Variants in LPAR1 observed in about 807,000 individuals in gnomAD.
LPAR1 encodes LPA receptor 1.
LPAR1 carries 5 observed loss-of-function variants against 23.8 expected under a neutral mutation model. The ratio of observed to expected loss-of-function variants is 0.21; its 90% CI spans 0.11 to 0.44. The LOEUF (loss-of-function observed/expected upper bound fraction) is 0.44, where lower values mean the gene tolerates loss of function less well. Among genes scored for constraint, LPAR1 ranks in the 20% least tolerant of loss-of-function variants. LPAR1 has a pLI of 0.99. For synonymous variants in LPAR1, 160 were observed against 164.7 expected (o/e 0.97, Z 0.22); for missense variants, 311 against 482.8 (o/e 0.64, Z 3.33).
intron 4 of LPAR1, among the ~76,000 whole-genome samples, chr9:110,969,965 T>C (rs1332252546): frequency 1.3e-5 from 2 of 152,210 alleles, no homozygotes; most frequent in Non-Finnish European, 2.9e-5. Flanking sequence ...ATAGATACTG[T>C]TGAATTACCC....
intron 4 of LPAR1, among the ~76,000 whole-genome samples, chr9:110,970,039 G>C (rs1458415608): frequency 3.3e-5 from 5 of 152,088 alleles, no homozygotes; most frequent in African/African-American, 1.2e-4. Context: ...ATTTCCCCCA[G>C]TGATTGTATG....
intron 2 of LPAR1, among the ~76,000 whole-genome samples, chr9:110,982,700 T>A (rs1223284449): frequency 6.6e-6 from 1 of 151,430 alleles, no homozygotes; most frequent in Non-Finnish European, 1.5e-5. Context: ...TTCAACATAA[T>A]CGGCATACTT....
intron 2 of LPAR1, among the ~76,000 whole-genome samples, chr9:110,981,722 T>A (rs2096671243): frequency 6.6e-6 from 1 of 151,954 alleles, no homozygotes; most frequent in Non-Finnish European, 1.5e-5. Context: ...AATAATGGAA[T>A]TTACTAGATT....
intron 2 of LPAR1, among the ~76,000 whole-genome samples, chr9:110,999,837 T>C (rs563746341): frequency 9.9e-5 from 15 of 152,096 alleles, no homozygotes; most frequent in African/African-American, 3.6e-4. Context: ...CCCAAGAAGC[T>C]GAAACTACAC....
chr9:110,995,227 A>G (rs918342289), intron 2 of LPAR1, among the ~76,000 whole-genome samples: 1 of 152,134 alleles, frequency 6.6e-6, no homozygotes, highest in Non-Finnish European at 1.5e-5. Context: ...AAATATATGA[A>G]AGTTTTGTTT....
intron 5 of LPAR1, among the ~76,000 whole-genome samples, chr9:110,905,001 C>A (rs936498381): frequency 3.3e-5 from 5 of 152,174 alleles, no homozygotes; most frequent in African/African-American, 1.2e-4. Context: ...GGAGCATGGA[C>A]CATTTCCACT....
At chr9:110,901,238 G>C (rs1179597264) in intron 5 of LPAR1, among the ~76,000 whole-genome samples, 1 of 152,220 alleles carries the variant, frequency 6.6e-6, no homozygotes, top group Non-Finnish European at 1.5e-5. Flanking sequence ...AGAAGGAGAA[G>C]TCGTGGCCTA....
intron 5 of LPAR1, among the ~76,000 whole-genome samples, chr9:110,933,926 G>T (rs1298832499): frequency 6.6e-6 from 1 of 152,164 alleles, no homozygotes; most frequent in Non-Finnish European, 1.5e-5. Flanking sequence ...GCAACAAAAG[G>T]GTATAAAGAG....
intron 4 of LPAR1, among the ~76,000 whole-genome samples, chr9:110,963,475 C>G (rs1259340015): frequency 6.6e-6 from 1 of 152,102 alleles, no homozygotes; most frequent in South Asian, 2.1e-4. Context: ...TTTGATGGGT[C>G]TTCTGGCATA....
chr9:110,961,769 G>C (rs1178144282), intron 4 of LPAR1, among the ~76,000 whole-genome samples: 1 of 152,068 alleles, frequency 6.6e-6, no homozygotes, highest in Non-Finnish European at 1.5e-5. Flanking sequence ...AGTGTGTACA[G>C]GGGAACTGCC....
chr9:110,968,717 C>G (rs548067719), intron 4 of LPAR1, among the ~76,000 whole-genome samples: 1 of 152,296 alleles, frequency 6.6e-6, no homozygotes, highest in South Asian at 2.1e-4. Flanking sequence ...CAGGGCAAAA[C>G]TTATTTCTCT....
chr9:110,970,425 G>A (rs1006054652), intron 4 of LPAR1, among the ~76,000 whole-genome samples: 25 of 152,276 alleles, frequency 1.6e-4, no homozygotes, highest in African/African-American at 5.8e-4. Flanking sequence ...CAAAGTAAAT[G>A]AAGTGTTGAA....
In LPAR1 at chr9:111,010,761, G is replaced by A. The variant is rs117744231; in HGVS notation, c.-182+25361C>T. 1.2e-3 allele frequency among the ~76,000 whole-genome samples: 188 copies of A among 152,212 alleles called. 1 individual carries two copies. Among genetic ancestry groups the A allele is most frequent in the Admixed American group, 2.5e-3 (38 of 15,282 alleles). On this transcript the variant is annotated intron_variant, in intron 2 of 5. Coordinates refer to ENST00000683809, the MANE Select transcript of LPAR1 (RefSeq NM_001351411.2). ...AACACACTTCCATGTGACTTTAAAT[G>A]TATATTATTAGCTAATGATAGGAAA...
chr9:110,942,078 T>C lies in LPAR1; in HGVS notation c.136A>G (p.Asn46Asp), dbSNP rs1359446005. 2 of 1,614,144 alleles carry C rather than the reference T, an allele frequency of 1.2e-6. No homozygotes were observed. Among genetic ancestry groups the C allele is most frequent in the South Asian group, 2.2e-5 (2 of 91,084 alleles). ...CCCATCACCAGCTTGCTGACTGTGTTCCATTCTGTGGCAAGATGCTTTCCA... is the reference window on the plus strand; with the variant it reads ...CCCATCACCAGCTTGCTGACTGTGTCCCATTCTGTGGCAAGATGCTTTCCA... Reference protein sequence around the residue: ...RSGKHLATEWNTVSKLVMGLG... With the variant: ...RSGKHLATEWDTVSKLVMGLG... The change falls in exon 5 of 6, where the codon AAC (asparagine) becomes GAC (aspartate). Residue 46 changes from asparagine to aspartate, a missense_variant. Asn to Asp is a conservative substitution (Grantham distance 23, BLOSUM62 1). This residue lies in a region of LPAR1 where 61 missense variants were observed against 55.6 expected (regional missense o/e 1.10). Coordinates refer to ENST00000683809, the MANE Select transcript of LPAR1 (RefSeq NM_001351411.2).
At chr9:110,901,240 C>A (rs531239729) in intron 5 of LPAR1, among the ~76,000 whole-genome samples, 54 of 152,268 alleles carry the variant, frequency 3.5e-4, no homozygotes, top group African/African-American at 1.3e-3. Flanking sequence ...AAGGAGAAGT[C>A]GTGGCCTAAA....
intron 2 of LPAR1, among the ~76,000 whole-genome samples, chr9:111,034,702 T>C (rs1308268147): frequency 6.6e-6 from 1 of 152,258 alleles, no homozygotes; most frequent in Admixed American, 6.5e-5. Flanking sequence ...CCTCCATCCA[T>C]CATCGCACCC....
intron 4 of LPAR1, among the ~76,000 whole-genome samples, chr9:110,969,928 G>A (rs1477110636): frequency 6.6e-6 from 1 of 152,126 alleles, no homozygotes; most frequent in African/African-American, 2.4e-5. Context: ...GACAGGAGCA[G>A]GGCATGTGCA....
At chr9:110,905,621 G>T (rs1181237757) in intron 5 of LPAR1, among the ~76,000 whole-genome samples, 1 of 152,028 alleles carries the variant, frequency 6.6e-6, no homozygotes, top group African/African-American at 2.4e-5. Context: ...CCAAAGTGCT[G>T]GGATTACAGG....
chr9:111,023,438 A>C (rs115087800), intron 2 of LPAR1, among the ~76,000 whole-genome samples: 2,678 of 152,318 alleles, frequency 0.018, 80 homozygotes, highest in African/African-American at 0.061. Context: ...CCCCAAAGTC[A>C]GATGAGGTTC....
Sources: allele counts gnomAD v4.1 joint callset (sites outside exome capture counted in the v4.1 genomes callset), GRCh38; gene constraint gnomAD v4.1.1; regional missense constraint gnomAD v4.1.1; transcripts MANE v1.5; gene names NCBI Gene and HGNC (gene_info 2026-07-23, HGNC 2026-07-21).